Variants in PIK3CD observed in about 807,000 individuals in gnomAD.
PIK3CD encodes the protein phosphatidylinositol 4,5-bisphosphate 3-kinase catalytic subunit delta isoform.
In PIK3CD, 20 loss-of-function variants were observed where a neutral mutation model predicts 122.9. That is an observed-to-expected ratio of 0.16 (90% CI 0.11 to 0.24). PIK3CD has a LOEUF of 0.24. PIK3CD is among the 10% of genes least tolerant of loss of function. The pLI is 1.00. For synonymous variants in PIK3CD, 596 were observed against 593.4 expected (o/e 1.00, Z -0.06); for missense variants, 787 against 1,406.3 (o/e 0.56, Z 7.04).
intron 1 of PIK3CD, among the ~76,000 whole-genome samples, chr1:9,676,314 A>G (rs1034994002): frequency 6.6e-6 from 1 of 152,064 alleles, no homozygotes; most frequent in African/African-American, 2.4e-5. Flanking sequence ...GGCTCAAGTG[A>G]TCCTCCCGCC....
intron 6 of PIK3CD, 40 bp downstream of exon 6, chr1:9,716,659 G>A (rs758657268): frequency 3.4e-5 from 52 of 1,534,922 alleles, no homozygotes; most frequent in Admixed American, 5.9e-5. Flanking sequence ...GGCTCCCAAC[G>A]CCCTGGATAG....
At chr1:9,663,908 T>C (rs1645080889) in intron 1 of PIK3CD, among the ~76,000 whole-genome samples, 1 of 152,142 alleles carries the variant, frequency 6.6e-6, no homozygotes, top group Non-Finnish European at 1.5e-5. Context: ...ACAAAGCACA[T>C]GAACTCATCC....
At chr1:9,705,955 T>C (rs1646814753) in intron 2 of PIK3CD, among the ~76,000 whole-genome samples, 1 of 151,972 alleles carries the variant, frequency 6.6e-6, no homozygotes, top group Admixed American at 6.6e-5. Context: ...TTATGCCACA[T>C]GTGTCTCTTG....
intron 23 of PIK3CD, among the ~76,000 whole-genome samples, chr1:9,726,681 T>C (rs1407103596): frequency 6.6e-6 from 1 of 152,046 alleles, no homozygotes; most frequent in African/African-American, 2.4e-5. Context: ...CCCAGAGCCA[T>C]TTCTCCAGTA....
chr1:9,682,863 A>G (rs1412664594), intron 1 of PIK3CD, among the ~76,000 whole-genome samples: 2 of 152,168 alleles, frequency 1.3e-5, no homozygotes, highest in African/African-American at 4.8e-5. Context: ...ATGTGTAACA[A>G]TGGATGTCCA....
chr1:9,634,306 C>T, the PIK3CD span, among the ~76,000 whole-genome samples: 4 of 151,962 alleles, frequency 2.6e-5, no homozygotes, highest in Non-Finnish European at 4.4e-5. Context: ...GGATTACAGG[C>T]GTGCATCAGC....
In PIK3CD at chr1:9,717,576, C is replaced by A; in HGVS notation, c.970C>A (p.Arg324Ser). 1 of 1,614,120 alleles carries A rather than the reference C, an allele frequency of 6.2e-7. No individual in the cohort carries two copies. Among genetic ancestry groups the A allele is most frequent in the South Asian group, 1.1e-5 (1 of 91,084 alleles). The change falls in exon 8 of 24, where the codon CGC becomes AGC. Residue 324 changes from arginine (R) to serine (S), a missense_variant. Arg to Ser is a moderately radical substitution (Grantham distance 110). Around this residue, in one of 6 missense-constraint regions of PIK3CD, gnomAD observed 592 missense variants for 920.6 expected, o/e 0.64. Coordinates refer to ENST00000377346, the MANE Select transcript of PIK3CD (RefSeq NM_005026.5). The surrounding 1 kb of genome is among the most constrained non-coding windows in gnomAD (Gnocchi z 5.4). ...VSLWSLEQPF[R>S]IELIQGSKVN... ...CCTGTGGTCCCTGGAGCAGCCGTTC[C>A]GCATCGAGCTCATCCAGGGCAGCAA...
At position 9,710,570 on chromosome 1, in the gene PIK3CD, A is replaced by C; in HGVS notation, c.115A>C (p.Asn39His). The C allele has an allele frequency of 6.2e-7, 1 of 1,613,926 alleles. No individual in the cohort carries two copies. ...GVYLNFPVSR[N>H]ANLSTIKQLL... Reference sequence around the variant, plus strand: ...CTACCTGAACTTCCCTGTGTCCCGCAATGCCAACCTCAGCACCATCAAGCA... The same window carrying C: ...CTACCTGAACTTCCCTGTGTCCCGCCATGCCAACCTCAGCACCATCAAGCA... Residue 39 changes from asparagine to histidine, a missense_variant, in exon 3 of 24, where the codon AAT (asparagine) becomes CAT (histidine). Asn to His is a moderately conservative substitution (Grantham distance 68). This residue lies in a region of PIK3CD where 592 missense variants were observed against 920.6 expected (regional missense o/e 0.64). Transcript: ENST00000377346. The surrounding 1 kb of genome is among the most constrained non-coding windows in gnomAD (Gnocchi z 4.7).
At chr1:9,688,511 C>T (rs1646059587) in intron 1 of PIK3CD, among the ~76,000 whole-genome samples, 1 of 152,182 alleles carries the variant, frequency 6.6e-6, no homozygotes, top group Non-Finnish European at 1.5e-5. Flanking sequence ...CCACTTACAA[C>T]CAAGGGAGAA....
At chr1:9,644,083 G>A in the PIK3CD span, among the ~76,000 whole-genome samples, 11 of 152,354 alleles carry the variant, frequency 7.2e-5, no homozygotes, top group East Asian at 1.9e-3. Flanking sequence ...ATGGGCATGC[G>A]TGGGTGGTGG....
Position 9,719,220 on chromosome 1 carries a change from G to C in PIK3CD, c.1242+305G>C, listed in dbSNP as rs1397037578. On this transcript the variant is annotated intron_variant, in intron 9 of 23. Transcript: ENST00000377346. The surrounding 1 kb of genome is among the most constrained non-coding windows in gnomAD (Gnocchi z 5.5). ...CAAGCACAGTGTCATCCCTGGAGCA[G>C]AAAAGCCTGAGTCAGCGGCTGGCCG... Among the ~76,000 whole-genome samples the C allele has an allele frequency of 6.6e-6, 1 of 152,254 alleles. No individual in the cohort carries two copies. The highest frequency in any genetic ancestry group is 6.5e-5 in the Admixed American group (1 of 15,286).
intron 1 of PIK3CD, among the ~76,000 whole-genome samples, chr1:9,663,071 A>G (rs1263909338): frequency 4.6e-5 from 7 of 152,156 alleles, no homozygotes; most frequent in Admixed American, 4.6e-4. Flanking sequence ...TGGGCTGTAC[A>G]GCGTGTTCTG....
At chr1:9,646,896 A>G (rs921786201), upstream of PIK3CD, among the ~76,000 whole-genome samples, 1 of 151,242 alleles carries the variant, frequency 6.6e-6, no homozygotes. Context: ...CGGAGGTTGC[A>G]GTGAACCAAG....
At chr1:9,712,423 G>A (rs925144204) in intron 3 of PIK3CD, among the ~76,000 whole-genome samples, 14 of 152,070 alleles carry the variant, frequency 9.2e-5, no homozygotes, top group Non-Finnish European at 1.0e-4. Flanking sequence ...TGGGACTACA[G>A]GCACGTGCCA....
intron 1 of PIK3CD, among the ~76,000 whole-genome samples, chr1:9,685,753 T>G (rs2100338703): frequency 6.6e-6 from 1 of 152,308 alleles, no homozygotes; most frequent in African/African-American, 2.4e-5. Context: ...AATAGCGCAC[T>G]GCAGCCTCAA....
Position 9,720,024 on chromosome 1 carries a change from C to A in PIK3CD, c.1339+7C>A. The stretch of plus-strand genomic sequence containing the variant: ...ATGTGGCCCTCCGTCCCAGGTCGGC[C>A]CAGGCCCAGGAGGGAGAGGCGTTGG... On this transcript the variant is annotated splice_region_variant and intron_variant, in intron 10 of 23. Transcript: ENST00000377346. This position sits in a 1 kb window ranked among gnomAD's most constrained non-coding sequence, Gnocchi z 9.0. 1 of 1,613,566 alleles carries A rather than the reference C, an allele frequency of 6.2e-7. No homozygotes were observed.
the PIK3CD span, among the ~76,000 whole-genome samples, chr1:9,627,591 T>G: frequency 2.0e-5 from 3 of 152,232 alleles, no homozygotes; most frequent in African/African-American, 7.2e-5. Context: ...ATAACATGTG[T>G]ACTGAGTTCT....
chr1:9,673,919 A>T (rs1645418400), intron 1 of PIK3CD, among the ~76,000 whole-genome samples: 1 of 152,206 alleles, frequency 6.6e-6, no homozygotes, highest in Non-Finnish European at 1.5e-5. Flanking sequence ...CAGGTAAACA[A>T]CTGCCATCCG....
At chr1:9,643,261 T>C in the PIK3CD span, among the ~76,000 whole-genome samples, 1 of 151,554 alleles carries the variant, frequency 6.6e-6, no homozygotes, top group South Asian at 2.1e-4. Flanking sequence ...ATACAAAAAA[T>C]TAGCTGGGAT....
Sources: gnomAD v4.1 joint callset for allele counts (sites outside exome capture counted in the v4.1 genomes callset) on GRCh38, gnomAD v4.1.1 for gene constraint, gnomAD v4.1.1 regional missense constraint, Gnocchi (gnomAD v3.1) non-coding constraint, MANE v1.5 for transcripts, NCBI Gene and HGNC (gene_info 2026-07-23, HGNC 2026-07-21) for gene names.